The following ECE1 variants were observed in gnomAD, a reference collection of about 807,000 sequenced individuals.
ECE1 encodes the protein endothelin-converting enzyme 1.
In ECE1, 35 loss-of-function variants were observed where a neutral mutation model predicts 98.6. That is an observed-to-expected ratio of 0.35 (90% CI 0.27 to 0.47). The LOEUF (loss-of-function observed/expected upper bound fraction) is 0.47, where lower values mean the gene tolerates loss of function less well. Ranked by LOEUF, ECE1 falls within the 20% of genes least tolerant of loss-of-function variation. The probability of loss-of-function intolerance (pLI) is 1.00; values close to 1 mark genes in which losing one functional copy is unlikely to be tolerated. For missense variants in ECE1, 814 were observed against 1,025.3 expected (o/e 0.79, Z 2.81); for synonymous variants, 394 against 407.1 (o/e 0.97, Z 0.39).
At chr1:21,279,159 T>C in intron 3 of ECE1, 32 bp downstream of exon 3, 1 of 1,613,372 alleles carries the variant, frequency 6.2e-7, no homozygotes, top group South Asian at 1.1e-5. Context: ...CAGGAGTGAG[T>C]CAAGCCCACC....
At chr1:21,342,619 C>T (rs1051274157) in intron 1 of ECE1, among the ~76,000 whole-genome samples, 57 of 126,184 alleles carry the variant, frequency 4.5e-4, no homozygotes, top group South Asian at 1.7e-3. Context: ...CACACACACA[C>T]ACACACACAC....
intron 3 of ECE1, among the ~76,000 whole-genome samples, chr1:21,274,015 G>A (rs1280351502): frequency 6.6e-6 from 1 of 152,190 alleles, no homozygotes; most frequent in African/African-American, 2.4e-5. Flanking sequence ...CAGCCCCATC[G>A]TCCGTTTACC....
intron 2 of ECE1, among the ~76,000 whole-genome samples, chr1:21,283,010 C>T (rs574515297): frequency 2.8e-5 from 4 of 145,302 alleles, no homozygotes; most frequent in Admixed American, 7.1e-5. Context: ...GCCGCCATCT[C>T]GGCTCATTGC....
At position 21,247,084 on chromosome 1, in the gene ECE1, A is replaced by C. The variant is rs537062101; in HGVS notation, c.1163+137T>G. On this transcript the variant is annotated intron_variant, in intron 9 of 18. Transcript: ENST00000374893. Reference sequence around the variant, plus strand: ...ATTTAAACCTGTGCCTGTAACCAGGATGTCCTGCTGCCTCTCGTAAAAGCC... The same window carrying C: ...ATTTAAACCTGTGCCTGTAACCAGGCTGTCCTGCTGCCTCTCGTAAAAGCC... 93 of 1,219,824 alleles carry C rather than the reference A, an allele frequency of 7.6e-5. No individual in the cohort carries two copies. In the African/African-American group the frequency reaches 1.3e-3, roughly 16 times the overall value. 75.6% of individuals were successfully genotyped at this position (1,219,824 alleles called of 1,614,324 possible).
chr1:21,323,327 C>T (rs1413914197), intron 1 of ECE1, among the ~76,000 whole-genome samples: 4 of 152,166 alleles, frequency 2.6e-5, no homozygotes, highest in Non-Finnish European at 5.9e-5. Flanking sequence ...CACAATAGCC[C>T]TGACTGCAGG....
At chr1:21,294,449 C>G (rs985041336), upstream of ECE1, 5 of 152,570 alleles carry the variant, frequency 3.3e-5, no homozygotes, top group African/African-American at 1.2e-4. The surrounding 1 kb of genome is among the most constrained non-coding windows in gnomAD (Gnocchi z 4.2). Context: ...AGAGGAGGGC[C>G]TGGCAGAAAC....
At position 21,260,738 on chromosome 1, in the gene ECE1, C is replaced by T. The variant is rs149123734; in HGVS notation, c.494-346G>A. On this transcript the variant is annotated intron_variant, in intron 4 of 18. Coordinates refer to ENST00000374893, the MANE Select transcript of ECE1 (RefSeq NM_001397.3). The surrounding 1 kb of genome is among the most constrained non-coding windows in gnomAD (Gnocchi z 4.3). ...CCCTGTGGATAACGTGTGGTACGAA[C>T]ACCCCTGCCTGGTGCATGGGACAGA... 6.6e-6 allele frequency among the ~76,000 whole-genome samples: 1 copy of T among 152,236 alleles called. No individual in the cohort carries two copies. The highest frequency in any genetic ancestry group is 2.4e-5 in the African/African-American group (1 of 41,446).
At position 21,258,676 on chromosome 1, in the gene ECE1, G is replaced by A; in HGVS notation, c.762+17C>T. ...CGTGCCCGCCCCCTCGACCGCTGCA[G>A]GTTCAAGCTAGCTCACCTGGATCAC... On this transcript the variant is annotated intron_variant, in intron 6 of 18. Coordinates refer to ENST00000374893, the MANE Select transcript of ECE1 (RefSeq NM_001397.3). The surrounding 1 kb of genome is among the most constrained non-coding windows in gnomAD (Gnocchi z 4.2). 6.2e-7 allele frequency: 1 copy of A among 1,608,866 alleles called. No individual in the cohort carries two copies. Among genetic ancestry groups the A allele is most frequent in the Non-Finnish European group, 8.5e-7 (1 of 1,176,894 alleles).
intron 1 of ECE1, among the ~76,000 whole-genome samples, chr1:21,316,106 G>A (rs1638827598): frequency 6.6e-6 from 1 of 152,184 alleles, no homozygotes. Flanking sequence ...CGCACACAAT[G>A]CGCCAGACAC....
chr1:21,342,720 T>G (rs1639425559), intron 1 of ECE1, among the ~76,000 whole-genome samples: 1 of 152,044 alleles, frequency 6.6e-6, no homozygotes, highest in African/African-American at 2.4e-5. Context: ...AAGTGAGTGC[T>G]GGATTTGTTT....
Position 21,220,406 on chromosome 1 carries a change from G to A in ECE1, c.2137-275C>T, listed in dbSNP as rs2098165859. ...CCCAGCTCCTGGGGAGGCTGAGGTG[G>A]GAGGATCACTGGAGCTGGAGAAGTC... On this transcript the variant is annotated intron_variant, in intron 18 of 18. Coordinates refer to ENST00000374893, the MANE Select transcript of ECE1 (RefSeq NM_001397.3). The surrounding 1 kb of genome is among the most constrained non-coding windows in gnomAD (Gnocchi z 5.0). Among the ~76,000 whole-genome samples, 1 of 152,150 alleles carries A rather than the reference G, an allele frequency of 6.6e-6. No homozygotes were observed. The highest frequency in any genetic ancestry group is 1.5e-5 in the Non-Finnish European group (1 of 68,036).
At chr1:21,294,752 G>A (rs562330261), upstream of ECE1, among the ~76,000 whole-genome samples, 174 of 152,306 alleles carry the variant, frequency 1.1e-3, 1 homozygote, top group African/African-American at 4.0e-3. The surrounding 1 kb of genome is among the most constrained non-coding windows in gnomAD (Gnocchi z 4.2). Context: ...GGCCAAAGGC[G>A]GGGGATTGTT....
chr1:21,218,261 AG>A lies in ECE1; in HGVS notation c.*1693del, dbSNP rs2098163233. 6.6e-6 allele frequency: 1 copy of A among 152,302 alleles called. No homozygotes were observed. Among genetic ancestry groups the A allele is most frequent in the African/African-American group, 2.4e-5 (1 of 41,464 alleles). 9.4% of individuals were successfully genotyped at this position (152,302 alleles called of 1,614,324 possible). A position where few individuals can be genotyped will look rare whatever the true frequency, so the allele number is the denominator to read the frequency against. On this transcript the variant is annotated 3_prime_UTR_variant, in exon 19 of 19. Coordinates refer to ENST00000374893, the MANE Select transcript of ECE1 (RefSeq NM_001397.3). The surrounding 1 kb of genome is among the most constrained non-coding windows in gnomAD (Gnocchi z 4.0). ...AGGGGCCGACAATGGACTGCAGCCC[AG>A]GGTAAGTCCAGCAGTTTTGCAGTCT... is the stretch of plus-strand genomic sequence containing the variant.
Position 21,322,579 on chromosome 1 carries a change from CA to C in ECE1, c.3+22796del, listed in dbSNP as rs1638988494. Among the ~76,000 whole-genome samples, 2 of 152,226 alleles carry C rather than the reference CA, an allele frequency of 1.3e-5. No homozygotes were observed. Among genetic ancestry groups the C allele is most frequent in the African/African-American group, 4.8e-5 (2 of 41,464 alleles). On this transcript the variant is annotated intron_variant, in intron 1 of 18. Coordinates refer to the ECE1 transcript ENST00000415912. The surrounding 1 kb of genome is among the most constrained non-coding windows in gnomAD (Gnocchi z 4.1). The stretch of plus-strand genomic sequence containing the variant: ...GGCCCCAGGCCTGTGACCAAAATGG[CA>C]GTGCCACTGCTGGCATAGGGGATGG...
In ECE1 at chr1:21,225,388, G is replaced by A. The variant is rs375526944; in HGVS notation, c.1902C>T (p.Ser634=). 3.1e-5 allele frequency: 50 copies of A among 1,614,222 alleles called. 1 individual carries two copies. In the South Asian group the frequency reaches 3.8e-4, roughly 12 times the overall value. ...GNLRPWWKNS[S]VEAFKRQTEC... Reference sequence around the variant, plus strand: ...CGGTCTGACGCTTGAAGGCCTCCACGGATGAGTTCTTCCACCATGGCCGGA... The same window carrying A: ...CGGTCTGACGCTTGAAGGCCTCCACAGATGAGTTCTTCCACCATGGCCGGA... Residue 634 remains serine (S), a synonymous_variant, in exon 17 of 19, where the codon TCC becomes TCT. Transcript: ENST00000374893. The surrounding 1 kb of genome is among the most constrained non-coding windows in gnomAD (Gnocchi z 5.3).
rs2098251888 is a variant in ECE1, at chr1:21,279,506, A to G, written c.139-174T>C. The stretch of plus-strand genomic sequence containing the variant: ...GCCCTAATCCAGGAAAGGAACAGCC[A>G]CCCTGCTCAGCTGCTCGGATCTGCT... On this transcript the variant is annotated intron_variant, in intron 2 of 18. Coordinates refer to ENST00000374893, the MANE Select transcript of ECE1 (RefSeq NM_001397.3). 7.4e-6 allele frequency: 11 copies of G among 1,484,354 alleles called. No individual in the cohort carries two copies. In the Middle Eastern group the frequency reaches 6.8e-4, roughly 92 times the overall value. The allele number at this position is 1,484,354 out of a possible 1,614,324, so 91.9% of individuals were successfully genotyped here.
intron 13 of ECE1, among the ~76,000 whole-genome samples, chr1:21,234,818 A>T (rs2098186077): frequency 6.6e-6 from 1 of 152,202 alleles, no homozygotes; most frequent in Admixed American, 6.5e-5. Context: ...GGTTCTGGTG[A>T]AACGCTGGAG....
intron 17 of ECE1, among the ~76,000 whole-genome samples, chr1:21,224,273 T>G (rs1329243306): frequency 1.3e-5 from 2 of 152,182 alleles, no homozygotes; most frequent in Non-Finnish European, 2.9e-5. Context: ...CCTCATTACT[T>G]CGCCCCAGTT....
chr1:21,257,749 C>A (rs1474043814), intron 6 of ECE1, among the ~76,000 whole-genome samples, 159 bp from the exon 7 acceptor site: 1 of 152,076 alleles, frequency 6.6e-6, no homozygotes, highest in Non-Finnish European at 1.5e-5. Context: ...GAAGCCCACT[C>A]AGGGACGGGA....
Sources: gnomAD v4.1 joint callset for allele counts (sites outside exome capture counted in the v4.1 genomes callset) on GRCh38, gnomAD v4.1.1 for gene constraint, Gnocchi (gnomAD v3.1) non-coding constraint, MANE v1.5 for transcripts, NCBI Gene and HGNC (gene_info 2026-07-23, HGNC 2026-07-21) for gene names.